Variants in SART3 observed in about 807,000 individuals in gnomAD.
SART3 encodes HIV-1 Tat-interacting protein of 110kDa.
A neutral mutation model predicts 122.3 loss-of-function variants in SART3; 44 were observed. The ratio of observed to expected loss-of-function variants is 0.36; its 90% CI spans 0.28 to 0.46. The LOEUF (loss-of-function observed/expected upper bound fraction) is 0.46, where lower values mean the gene tolerates loss of function less well. Among genes scored for constraint, SART3 ranks in the 20% least tolerant of loss-of-function variants. SART3 has a pLI of 1.00. For synonymous variants in SART3, 442 were observed against 454.0 expected, an observed-to-expected ratio of 0.97 and a Z score of 0.34; for missense variants, 1,101 against 1,229.0, an observed-to-expected ratio of 0.90 and a Z score of 1.56.
rs117940788 is a variant in SART3, at chr12:108,542,975, A to C, written c.906+53T>G. ...GATACTGTTTAACTCGCAACTATCC[A>C]TCAGGGAAAGGTTTGTAGAGAGACG... On this transcript the variant is annotated intron_variant, in intron 6 of 18. Transcript: ENST00000546815. The C allele has an allele frequency of 5.8e-3, 9,279 of 1,611,888 alleles. 41 individuals carry two copies. Among genetic ancestry groups the C allele is most frequent in the Middle Eastern group, 0.028 (169 of 6,054 alleles).
intron 1 of SART3, among the ~76,000 whole-genome samples, chr12:108,557,210 T>TG (rs1565869055): frequency 7.8e-6 from 1 of 128,794 alleles, no homozygotes; most frequent in African/African-American, 3.1e-5. Context: ...GACATAGTTT[T>TG]TTTTTTTTTT....
intron 6 of SART3, chr12:108,542,706 T>C (rs1873224324): frequency 5.0e-6 from 2 of 399,154 alleles, no homozygotes; most frequent in Admixed American, 3.5e-5. Flanking sequence ...GATACTTTCA[T>C]AGCTTGTAAA....
intron 11 of SART3, 65 bp downstream of exon 11, chr12:108,536,449 A>T: frequency 6.6e-7 from 1 of 1,504,196 alleles, no homozygotes; most frequent in African/African-American, 1.4e-5. Flanking sequence ...AATTTTAATT[A>T]AAGTTTAATA....
At chr12:108,532,780 T>G in intron 12 of SART3, among the ~76,000 whole-genome samples, 1 of 149,552 alleles carries the variant, frequency 6.7e-6, no homozygotes, top group African/African-American at 2.5e-5. Flanking sequence ...TGAAAGGGAG[T>G]CTCGCTCTTG....
chr12:108,542,182 A>G (rs1234847539), intron 6 of SART3, among the ~76,000 whole-genome samples: 1 of 152,120 alleles, frequency 6.6e-6, no homozygotes, highest in Non-Finnish European at 1.5e-5. Context: ...TTGAATGGCC[A>G]ATCCACGTGA....
rs779269927 is a variant in SART3 at position 108,532,339 on chromosome 12, G to C, written c.1557-5C>G. 6.2e-7 allele frequency: 1 copy of C among 1,613,442 alleles called. No homozygotes were observed. Among genetic ancestry groups the C allele is most frequent in the East Asian group, 2.2e-5 (1 of 44,880 alleles). On this transcript the variant is annotated splice_polypyrimidine_tract_variant and splice_region_variant and intron_variant, in intron 12 of 18. Transcript: ENST00000546815. ...TGCTGGGTGTCACCATGAGCTCTAAGGCAGAAAACAAAAAGTTGCTGCCAC... is the reference window on the plus strand; with the variant it reads ...TGCTGGGTGTCACCATGAGCTCTAACGCAGAAAACAAAAAGTTGCTGCCAC...
intron 6 of SART3, among the ~76,000 whole-genome samples, chr12:108,539,792 G>A (rs1451132148): frequency 6.6e-6 from 1 of 152,152 alleles, no homozygotes; most frequent in Non-Finnish European, 1.5e-5. Context: ...ATGTAGAAAG[G>A]GGATGTTTCA....
At position 108,544,414 on chromosome 12, in the gene SART3, C is replaced by CA; in HGVS notation, c.781+12dup. 1.2e-6 allele frequency: 2 copies of CA among 1,609,414 alleles called. No homozygotes were observed. Among genetic ancestry groups the CA allele is most frequent in the Non-Finnish European group, 1.7e-6 (2 of 1,175,652 alleles). Reference sequence around the variant, plus strand: ...CATAGAGGGCTGGCTGTTGACATGTCAGTTTCTCTTACCATAGAGTGGGAT... The same window carrying CA: ...CATAGAGGGCTGGCTGTTGACATGTCAAGTTTCTCTTACCATAGAGTGGGAT... On this transcript the variant is annotated intron_variant, in intron 5 of 18. Coordinates refer to ENST00000546815, the MANE Select transcript of SART3 (RefSeq NM_014706.4).
At chr12:108,535,738 G>GT (rs754911742) in intron 11 of SART3, among the ~76,000 whole-genome samples, 20 of 148,888 alleles carry the variant, frequency 1.3e-4, no homozygotes, top group Non-Finnish European at 2.8e-4. Flanking sequence ...AGATAGTCAC[G>GT]TTTTTTATTT....
intron 2 of SART3, among the ~76,000 whole-genome samples, chr12:108,548,326 T>C (rs898733682): frequency 1.3e-5 from 2 of 152,258 alleles, no homozygotes; most frequent in Non-Finnish European, 2.9e-5. Context: ...ATGCCAGGCA[T>C]GTGTTAAGTG....
chr12:108,526,434 A>T lies in SART3; in HGVS notation c.2035T>A (p.Ser679Thr), dbSNP rs759271463. The T allele has an allele frequency of 6.2e-7, 1 of 1,614,028 alleles. No homozygotes were observed. Among genetic ancestry groups the T allele is most frequent in the African/African-American group, 1.3e-5 (1 of 74,918 alleles). ...KCAAVDVEPP[S>T]KQKEKAASLK... ...GAGGCTGCCTTCTCCTTCTGCTTCG[A>T]AGGGGGCTCCACATCTACGGCAGCA... Residue 679 changes from serine to threonine, a missense_variant, in exon 16 of 19, where the codon TCG (serine) becomes ACG (threonine). Physicochemically the swap from Ser to Thr is moderately conservative, Grantham distance 58. Transcript: ENST00000546815.
In SART3 at chr12:108,545,208, A is replaced by G. The variant is rs1030711125; in HGVS notation, c.660T>C (p.His220=). ...CCCAGAGGGCGAGTCCTTTGGTCAT[A>G]TGTAAACCAACAGACGAGAGAGCCC... ...FERALSSVGL[H]MTKGLALWEA... The change falls in exon 4 of 19, where the codon CAT becomes CAC. Residue 220 remains histidine (H), a synonymous_variant. Coordinates refer to ENST00000546815, the MANE Select transcript of SART3 (RefSeq NM_014706.4). 1.2e-6 allele frequency: 2 copies of G among 1,614,152 alleles called. No homozygotes were observed. Among genetic ancestry groups the G allele is most frequent in the Non-Finnish European group, 8.5e-7 (1 of 1,180,038 alleles).
At chr12:108,557,017 T>G (rs1337039687) in intron 1 of SART3, among the ~76,000 whole-genome samples, 1 of 152,156 alleles carries the variant, frequency 6.6e-6, no homozygotes, top group Non-Finnish European at 1.5e-5. Flanking sequence ...GTGTGGCTTT[T>G]GGTGTAAACT....
chr12:108,560,531 C>T, intron 1 of SART3: 1 of 420,676 alleles, frequency 2.4e-6, no homozygotes, highest in East Asian at 3.5e-5. Flanking sequence ...GATCAAAGTA[C>T]AAGGCCTGAC....
chr12:108,523,117 C>G lies in SART3; in HGVS notation c.*340G>C, dbSNP rs1316265086. On this transcript the variant is annotated 3_prime_UTR_variant, in exon 19 of 19. Transcript: ENST00000546815. ...AGAGAAGTGTCATACAAAAAGGGGC[C>G]GGAGCTGGCCAGAAACATTTGGACA... 1 of 390,882 alleles carries G rather than the reference C, an allele frequency of 2.6e-6. No homozygotes were observed. Among genetic ancestry groups the G allele is most frequent in the Non-Finnish European group, 4.8e-6 (1 of 209,928 alleles). The allele number at this position is 390,882 out of a possible 1,614,324, so 24.2% of individuals were successfully genotyped here.
At chr12:108,543,530 C>T (rs987620236) in intron 5 of SART3, among the ~76,000 whole-genome samples, 1 of 152,164 alleles carries the variant, frequency 6.6e-6, no homozygotes, top group African/African-American at 2.4e-5. Flanking sequence ...TTCAGTTGCT[C>T]GTCTACAGTT....
intron 15 of SART3, 47 bp from the exon 16 acceptor site, chr12:108,526,600 C>A: frequency 6.3e-7 from 1 of 1,590,090 alleles, no homozygotes; most frequent in South Asian, 1.1e-5. Context: ...TGTTACTTCT[C>A]TTCAGGGAGC....
chr12:108,527,428 C>T (rs1344027109), intron 15 of SART3, among the ~76,000 whole-genome samples: 3 of 152,218 alleles, frequency 2.0e-5, no homozygotes, highest in Non-Finnish European at 2.9e-5. Context: ...CCCTGGATGC[C>T]GCATCTCTTC....
In SART3 at chr12:108,530,275, T is replaced by G. The variant is rs775769742; in HGVS notation, c.1782A>C (p.Glu594Asp). 1 of 1,614,176 alleles carries G rather than the reference T, an allele frequency of 6.2e-7. No homozygotes were observed. Among genetic ancestry groups the G allele is most frequent in the Non-Finnish European group, 8.5e-7 (1 of 1,180,034 alleles). The change falls in exon 15 of 19, where the codon GAA becomes GAC. Residue 594 changes from glutamate to aspartate, a missense_variant. Around this residue, in one of 2 missense-constraint regions of SART3, gnomAD observed 885 missense variants for 1,080.1 expected, o/e 0.82. Transcript: ENST00000546815. ...TTTTCCGTTGTTCAGCCTTTTCTTC[T>G]TCTTGCTGCACAAGGGCTGCTTCCT... ...AEKEAALVQQ[E>D]EEKAEQRKRA... is the part of the protein sequence containing the mutation.
Sources: gnomAD v4.1 joint callset for allele counts (sites outside exome capture counted in the v4.1 genomes callset) on GRCh38, gnomAD v4.1.1 for gene constraint, gnomAD v4.1.1 regional missense constraint, MANE v1.5 for transcripts, NCBI Gene and HGNC (gene_info 2026-07-23, HGNC 2026-07-21) for gene names.